Variants in RBBP5 observed in about 807,000 individuals in gnomAD.
RBBP5 encodes the protein retinoblastoma-binding protein 5.
RBBP5 carries 5 observed loss-of-function variants against 72.2 expected under a neutral mutation model. The ratio of observed to expected loss-of-function variants is 0.07; its 90% CI spans 0.04 to 0.15. The LOEUF (loss-of-function observed/expected upper bound fraction) is 0.15. Among genes scored for constraint, RBBP5 ranks in the 10% least tolerant of loss-of-function variants. The probability of loss-of-function intolerance (pLI) is 1.00; values close to 1 mark genes in which losing one functional copy is unlikely to be tolerated. For missense variants in RBBP5, 322 were observed against 652.2 expected, an observed-to-expected ratio of 0.49 and a Z score of 5.51; for synonymous variants, 209 against 237.2, an observed-to-expected ratio of 0.88 and a Z score of 1.09.
At chr1:205,094,587 G>C (rs1407730228) in intron 13 of RBBP5, among the ~76,000 whole-genome samples, 1 of 152,198 alleles carries the variant, frequency 6.6e-6, no homozygotes, top group Non-Finnish European at 1.5e-5. Flanking sequence ...TCTGAGGAAA[G>C]CTATGGACAT....
In RBBP5 at chr1:205,094,863, G is replaced by T. The variant is rs1391090720; in HGVS notation, c.1588+10C>A. On this transcript the variant is annotated intron_variant, in intron 13 of 13. Coordinates refer to ENST00000264515, the MANE Select transcript of RBBP5 (RefSeq NM_005057.4). ...AAGCAAGCCAGACAATGCTCCCAAT[G>T]TGTCCTTACCTGTCAAGGGCTGGCT... The T allele has an allele frequency of 1.9e-6, 3 of 1,605,560 alleles. No individual in the cohort carries two copies. Among genetic ancestry groups the T allele is most frequent in the Non-Finnish European group, 2.6e-6 (3 of 1,174,996 alleles).
chr1:205,097,912 G>C (rs533271246), intron 10 of RBBP5, among the ~76,000 whole-genome samples: 1 of 151,986 alleles, frequency 6.6e-6, no homozygotes, highest in South Asian at 2.1e-4. Flanking sequence ...GTATCTCGGG[G>C]GTCAATAATC....
chr1:205,120,247 C>CA (rs1226637092), intron 1 of RBBP5, among the ~76,000 whole-genome samples: 2 of 152,176 alleles, frequency 1.3e-5, no homozygotes, highest in Admixed American at 6.5e-5. Context: ...TGCTGTCAGA[C>CA]AAACCTTACA....
intron 6 of RBBP5, among the ~76,000 whole-genome samples, chr1:205,100,756 G>C (rs1032478634): frequency 1.3e-5 from 2 of 152,054 alleles, no homozygotes; most frequent in Non-Finnish European, 1.5e-5. Flanking sequence ...CTTAATTCAA[G>C]AGAATTTTGA....
chr1:205,113,535 G>A (rs962198576), intron 3 of RBBP5, among the ~76,000 whole-genome samples: 1 of 152,068 alleles, frequency 6.6e-6, no homozygotes, highest in Non-Finnish European at 1.5e-5. Context: ...AAAGCGCTGG[G>A]ATTATAGGCA....
In RBBP5 at chr1:205,088,845, T is replaced by C. The variant is rs755476805; in HGVS notation, c.1589-30A>G. Reference sequence around the variant, plus strand: ...AGAGATTAGACACAAAAAGATTTCTTTTAGCTTCAATTTAGACCAGTTACT... The same window carrying C: ...AGAGATTAGACACAAAAAGATTTCTCTTAGCTTCAATTTAGACCAGTTACT... On this transcript the variant is annotated intron_variant, in intron 13 of 13. Coordinates refer to ENST00000264515, the MANE Select transcript of RBBP5 (RefSeq NM_005057.4). 5 of 1,552,094 alleles carry C rather than the reference T, an allele frequency of 3.2e-6. No individual in the cohort carries two copies. The East Asian group carries it at 1.2e-4, about 36-fold the overall frequency.
intron 13 of RBBP5, among the ~76,000 whole-genome samples, chr1:205,089,917 T>C (rs767033000): frequency 5.2e-4 from 79 of 152,304 alleles, no homozygotes; most frequent in Non-Finnish European, 9.6e-4. Flanking sequence ...AATGGCGTGA[T>C]CTCAGCTCAC....
At chr1:205,120,143 G>A (rs1468149152) in intron 1 of RBBP5, among the ~76,000 whole-genome samples, 6 of 152,010 alleles carry the variant, frequency 3.9e-5, no homozygotes, top group Non-Finnish European at 1.5e-5. Context: ...CCTCCTCAAT[G>A]TCTTTTCTAT....
At chr1:205,104,755 C>G (rs868833344) in intron 4 of RBBP5, among the ~76,000 whole-genome samples, 2 of 152,082 alleles carry the variant, frequency 1.3e-5, no homozygotes, top group Middle Eastern at 3.4e-3. Context: ...GCAGGAGAAT[C>G]TTGAACCCAG....
At position 205,116,008 on chromosome 1, in the gene RBBP5, T is replaced by C. The variant is rs754646605; in HGVS notation, c.20-125A>G. On this transcript the variant is annotated intron_variant, in intron 1 of 13. Coordinates refer to ENST00000264515, the MANE Select transcript of RBBP5 (RefSeq NM_005057.4). ...GGGGATATGATGCCCTTTCAGGCAT[T>C]CCATGAGGCCATACGGATTTTCAAG... The C allele has an allele frequency of 3.8e-6, 6 of 1,593,990 alleles. No homozygotes were observed. The South Asian group carries it at 5.6e-5, about 15-fold the overall frequency.
Position 205,094,927 on chromosome 1 carries a change from G to C in RBBP5, c.1534C>G (p.Leu512Val). 6.2e-7 allele frequency: 1 copy of C among 1,614,194 alleles called. No individual in the cohort carries two copies. The change falls in exon 13 of 14, where the codon CTG becomes GTG. Residue 512 changes from leucine (L) to valine (V), a missense_variant. Around this residue, in one of 6 missense-constraint regions of RBBP5, gnomAD observed 109 missense variants for 146.3 expected, o/e 0.75. Transcript: ENST00000264515. ...KLYKGDRGLPLEGSAKGKVQA... is the reference protein window; with the variant it reads ...KLYKGDRGLPVEGSAKGKVQA... ...ACTTTACCCTTCGCTGATCCTTCCA[G>C]AGGTAAACCTCTGTCCCCTTTGTAG...
chr1:205,115,947 C>T (rs779811259), intron 1 of RBBP5, 64 bp from the exon 2 acceptor site: 15 of 1,613,704 alleles, frequency 9.3e-6, no homozygotes, highest in Admixed American at 8.3e-5. Flanking sequence ...ATACAACTCA[C>T]GAACAGTGTA....
At chr1:205,103,741 G>A in intron 5 of RBBP5, 116 bp downstream of exon 5, 1 of 1,188,332 alleles carries the variant, frequency 8.4e-7, no homozygotes, top group East Asian at 2.4e-5. Context: ...TACATTTGCT[G>A]CAGAAAGGAG....
rs144911236 is a variant in RBBP5, at chr1:205,100,845, G to A, written c.633-574C>T. Among the ~76,000 whole-genome samples, 429 of 152,170 alleles carry A rather than the reference G, an allele frequency of 2.8e-3. 1 individual carries two copies. Among genetic ancestry groups the A allele is most frequent in the African/African-American group, 9.6e-3 (400 of 41,498 alleles). ...GTTTTGTGGAAGACAATTTTTCCAC[G>A]GCCCAGGCTGGTGGGAGGATTATGG... On this transcript the variant is annotated intron_variant, in intron 6 of 13. Transcript: ENST00000264515.
rs1655748061 is a variant in RBBP5 at position 205,099,683 on chromosome 1, G to A, written c.978+58C>T. On this transcript the variant is annotated intron_variant, in intron 9 of 13. Transcript: ENST00000264515. This position sits in a 1 kb window ranked among gnomAD's most constrained non-coding sequence, Gnocchi z 4.7. ...TAATTTTTAGCTTCCTATGTATAAG[G>A]TTCTTTGATAAAAAGAAGGGGTAAC... is the stretch of plus-strand genomic sequence containing the variant. 6.1e-6 allele frequency: 9 copies of A among 1,478,162 alleles called. No individual in the cohort carries two copies. Among genetic ancestry groups the A allele is most frequent in the Non-Finnish European group, 8.4e-6 (9 of 1,071,894 alleles). The allele number at this position is 1,478,162 out of a possible 1,614,324, so 91.6% of individuals were successfully genotyped here.
At chr1:205,101,898 T>C (rs1655839605) in intron 5 of RBBP5, among the ~76,000 whole-genome samples, 189 bp from the exon 6 acceptor site, 1 of 148,844 alleles carries the variant, frequency 6.7e-6, no homozygotes, top group African/African-American at 2.5e-5. Context: ...TCTAGTCTTT[T>C]TTTTTTTTTT....
At chr1:205,095,099 T>G (rs371742851) in intron 12 of RBBP5, 35 bp from the exon 13 acceptor site, 1 of 1,603,090 alleles carries the variant, frequency 6.2e-7, no homozygotes, top group Non-Finnish European at 8.5e-7. Context: ...GGAATCCACA[T>G]GACACCAGTC....
chr1:205,100,259 A>C lies in RBBP5; in HGVS notation c.645T>G (p.Ile215Met), dbSNP rs777234026. The C allele has an allele frequency of 6.2e-6, 10 of 1,613,906 alleles. No homozygotes were observed. The South Asian group carries it at 8.8e-5, about 14-fold the overall frequency. Residue 215 changes from isoleucine (I) to methionine (M), a missense_variant, in exon 7 of 14, where the codon ATT (isoleucine) becomes ATG (methionine). Transcript: ENST00000264515. Reference protein sequence around the residue: ...EFARKGSCFLINTADRIIRVY... With the variant: ...EFARKGSCFLMNTADRIIRVY... ...CTCTGATTATTCGATCTGCCGTGTTAATTAAAAAGCAACTACGGGAAGGAT... is the reference window on the plus strand; with the variant it reads ...CTCTGATTATTCGATCTGCCGTGTTCATTAAAAAGCAACTACGGGAAGGAT...
chr1:205,118,259 C>T (rs531964383), intron 1 of RBBP5, among the ~76,000 whole-genome samples: 28 of 152,206 alleles, frequency 1.8e-4, no homozygotes, highest in African/African-American at 6.0e-4. Context: ...AACAGTAAGA[C>T]GCAATCCACC....
Sources: gnomAD v4.1 joint callset for allele counts (sites outside exome capture counted in the v4.1 genomes callset) on GRCh38, gnomAD v4.1.1 for gene constraint, gnomAD v4.1.1 regional missense constraint, Gnocchi (gnomAD v3.1) non-coding constraint, MANE v1.5 for transcripts, NCBI Gene and HGNC (gene_info 2026-07-23, HGNC 2026-07-21) for gene names.